GCSAML: variants seen among roughly 807,000 people sequenced by gnomAD.
GCSAML encodes the protein germinal center associated signaling and motility like.
A neutral mutation model predicts 13.0 loss-of-function variants in GCSAML; 9 were observed. The observed-to-expected ratio is 0.69, with a 90% CI of 0.42 to 1.21. The LOEUF (loss-of-function observed/expected upper bound fraction) is 1.21. Ranked by LOEUF, GCSAML falls within the 50% of genes most tolerant of loss-of-function variation. The pLI is 0.00. For missense variants in GCSAML, 143 were observed against 153.4 expected, an observed-to-expected ratio of 0.93 and a Z score of 0.36; for synonymous variants, 37 against 52.9, an observed-to-expected ratio of 0.70 and a Z score of 1.31.
chr1:247,547,716 C>G (rs1053227038), upstream of GCSAML, among the ~76,000 whole-genome samples: 4 of 152,172 alleles, frequency 2.6e-5, no homozygotes, highest in African/African-American at 9.7e-5. Context: ...GCGGAACACG[C>G]TTCTTAGTGC....
At chr1:247,556,035 T>TA (rs1667933696) in intron 1 of GCSAML, among the ~76,000 whole-genome samples, 1 of 152,184 alleles carries the variant, frequency 6.6e-6, no homozygotes, top group Non-Finnish European at 1.5e-5. Flanking sequence ...CAAAGGTGTG[T>TA]ACAAGCAGAT....
chr1:247,566,524 T>G (rs1178822117), intron 4 of GCSAML, among the ~76,000 whole-genome samples: 1 of 152,206 alleles, frequency 6.6e-6, no homozygotes, highest in Admixed American at 6.5e-5. Context: ...GTAACAGGCA[T>G]TAGTCACTGT....
chr1:247,550,499 T>C lies in GCSAML; in HGVS notation c.29+1279T>C, dbSNP rs766873297. ...AAAAATACAAACAATTAGCCGGGCG[T>C]GGTGGTGGGCACCTGTAATCCCAGC... On this transcript the variant is annotated intron_variant, in intron 1 of 4. Transcript: ENST00000366488. 7.8e-4 allele frequency among the ~76,000 whole-genome samples: 118 copies of C among 151,980 alleles called. 3 individuals carry two copies. The highest frequency in any genetic ancestry group is 6.0e-4 in the Non-Finnish European group (41 of 67,992).
chr1:247,559,449 T>C (rs1668051475), intron 2 of GCSAML, among the ~76,000 whole-genome samples: 1 of 152,192 alleles, frequency 6.6e-6, no homozygotes, highest in African/African-American at 2.4e-5. Context: ...AGCTTTTTTT[T>C]TCTGAAATGA....
At chr1:247,515,853 A>C (rs1666192606) in intron 1 of GCSAML, among the ~76,000 whole-genome samples, 1 of 152,212 alleles carries the variant, frequency 6.6e-6, no homozygotes, top group South Asian at 2.1e-4. Flanking sequence ...CACAAATCCA[A>C]CCTGTTATCA....
chr1:247,575,573 A>C lies in GCSAML; in HGVS notation c.*1191A>C, dbSNP rs951067593. 6.6e-6 allele frequency: 1 copy of C among 152,212 alleles called. No homozygotes were observed. The highest frequency in any genetic ancestry group is 6.5e-5 in the Admixed American group (1 of 15,276). The allele number at this position is 152,212 out of a possible 1,614,324, so 9.4% of individuals were successfully genotyped here. On this transcript the variant is annotated 3_prime_UTR_variant, in exon 5 of 5. Transcript: ENST00000366488. ...ACTTGCAGTAATAGTTCAAAAATTAATAGTTTTTGACATTGGCTTTTCTGA... is the reference window on the plus strand; with the variant it reads ...ACTTGCAGTAATAGTTCAAAAATTACTAGTTTTTGACATTGGCTTTTCTGA...
At chr1:247,565,787 C>T (rs1041972708) in intron 3 of GCSAML, 144 bp from the exon 4 acceptor site, 10 of 632,468 alleles carry the variant, frequency 1.6e-5, no homozygotes, top group Middle Eastern at 2.6e-4. Flanking sequence ...GGGGCAATGT[C>T]ATGTCAGATG....
At chr1:247,546,139 A>AG (rs397786041), upstream of GCSAML, among the ~76,000 whole-genome samples, 1 of 151,766 alleles carries the variant, frequency 6.6e-6, no homozygotes, top group African/African-American at 2.4e-5. Flanking sequence ...AAAGAAAGAA[A>AG]TAAATTTTTG....
At chr1:247,509,114 C>T (rs191141292) in intron 1 of GCSAML, among the ~76,000 whole-genome samples, 6 of 152,230 alleles carry the variant, frequency 3.9e-5, no homozygotes, top group South Asian at 2.1e-4. Context: ...GCCATCTTCA[C>T]GAATTAATTC....
intron 1 of GCSAML, among the ~76,000 whole-genome samples, chr1:247,509,210 G>A (rs1458864976): frequency 6.6e-6 from 1 of 152,136 alleles, no homozygotes; most frequent in Non-Finnish European, 1.5e-5. Flanking sequence ...TCTCCTTGAA[G>A]AGGTCCTTCA....
chr1:247,557,079 G>C (rs1667982536), intron 2 of GCSAML, among the ~76,000 whole-genome samples: 1 of 152,250 alleles, frequency 6.6e-6, no homozygotes, highest in East Asian at 1.9e-4. Flanking sequence ...TTCCATATTT[G>C]CATTTGGACT....
chr1:247,530,258 G>A (rs1558240529), intron 2 of GCSAML: 1 of 152,228 alleles, frequency 6.6e-6, no homozygotes, highest in African/African-American at 2.4e-5. Flanking sequence ...CAGAGAATGA[G>A]GTTACTCTAT....
intron 2 of GCSAML, chr1:247,538,599 C>T: frequency 2.7e-6 from 1 of 366,482 alleles, no homozygotes; most frequent in Non-Finnish European, 5.4e-6. Context: ...GATTGGAATA[C>T]TTATAAAAAG....
intron 2 of GCSAML, among the ~76,000 whole-genome samples, chr1:247,534,177 T>G (rs780763461): frequency 5.9e-5 from 9 of 152,226 alleles, no homozygotes; most frequent in African/African-American, 1.9e-4. Flanking sequence ...AATAAACTAC[T>G]CTTATTTCTT....
At chr1:247,545,696 C>T (rs1410792189), upstream of GCSAML, among the ~76,000 whole-genome samples, 1 of 152,180 alleles carries the variant, frequency 6.6e-6, no homozygotes, top group East Asian at 1.9e-4. Flanking sequence ...GGTGTCTATT[C>T]AGTACCTTTG....
intron 1 of GCSAML, among the ~76,000 whole-genome samples, chr1:247,522,896 C>A: frequency 7.0e-6 from 1 of 143,012 alleles, no homozygotes. Flanking sequence ...GAGAAACACC[C>A]AAGAATGATC....
chr1:247,531,296 C>T (rs971140941), intron 2 of GCSAML: 6 of 498,808 alleles, frequency 1.2e-5, no homozygotes, highest in Non-Finnish European at 2.1e-5. Flanking sequence ...AAGGAGTTTA[C>T]AAAACAAGAT....
At position 247,526,549 on chromosome 1, in the gene GCSAML, C is replaced by T. The variant is rs893422061; in HGVS notation, c.-262-391C>T. On this transcript the variant is annotated intron_variant, in intron 1 of 5. Transcript: ENST00000366489. The surrounding 1 kb of genome is among the most constrained non-coding windows in gnomAD (Gnocchi z 4.8). ...TCTTACTTCAGGAAGTGTGTCTCCA[C>T]TGGCTTACATCCCCACAGTCAATGT... 4.9e-5 allele frequency: 8 copies of T among 164,292 alleles called. No individual in the cohort carries two copies. Among genetic ancestry groups the T allele is most frequent in the African/African-American group, 1.9e-4 (8 of 41,600 alleles). 10.2% of individuals were successfully genotyped at this position (164,292 alleles called of 1,614,324 possible). A position where few individuals can be genotyped will look rare whatever the true frequency, so the allele number is the denominator to read the frequency against.
At chr1:247,547,838 G>A (rs973311201), upstream of GCSAML, among the ~76,000 whole-genome samples, 2 of 152,254 alleles carry the variant, frequency 1.3e-5, no homozygotes, top group South Asian at 2.1e-4. Flanking sequence ...CAGGATCCTC[G>A]GGTGATTTGC....
Sources: gnomAD v4.1 joint callset for allele counts (sites outside exome capture counted in the v4.1 genomes callset) on GRCh38, gnomAD v4.1.1 for gene constraint, Gnocchi (gnomAD v3.1) non-coding constraint, MANE v1.5 for transcripts, NCBI Gene and HGNC (gene_info 2026-07-23, HGNC 2026-07-21) for gene names.